Variants in METRNL observed in about 807,000 individuals in gnomAD.
The protein encoded by METRNL is meteorin-like protein.
A neutral mutation model predicts 17.4 loss-of-function variants in METRNL; 9 were observed. That is an observed-to-expected ratio of 0.52 (90% confidence interval 0.31 to 0.90). The LOEUF is 0.90. Ranked by LOEUF, METRNL falls within the 40% of genes least tolerant of loss-of-function variation. METRNL has a pLI of 0.05. For missense variants in METRNL, 408 were observed against 430.7 expected, an observed-to-expected ratio of 0.95 and a Z score of 0.47; for synonymous variants, 215 against 199.3, an observed-to-expected ratio of 1.08 and a Z score of -0.66.
At chr17:83,083,475 C>A (rs905011766) in intron 1 of METRNL, among the ~76,000 whole-genome samples, 1 of 152,200 alleles carries the variant, frequency 6.6e-6, no homozygotes, top group Admixed American at 6.5e-5. Flanking sequence ...AGCCACTCAC[C>A]GAGTCCAGTT....
chr17:83,093,089 G>A, intron 2 of METRNL, 78 bp from the exon 3 acceptor site: 1 of 1,149,734 alleles, frequency 8.7e-7, no homozygotes, highest in Non-Finnish European at 1.2e-6. Flanking sequence ...TGAGTGTGAG[G>A]ATCCTTTGAC....
At chr17:83,081,962 G>A (rs562647914) in intron 1 of METRNL, 5 of 429,606 alleles carry the variant, frequency 1.2e-5, no homozygotes, top group Admixed American at 6.4e-5. Context: ...AGGGTGGAGC[G>A]AGCGCTGGTG....
At chr17:83,089,968 C>T (rs747289477) in intron 2 of METRNL, among the ~76,000 whole-genome samples, 48 of 152,046 alleles carry the variant, frequency 3.2e-4, no homozygotes, top group South Asian at 4.1e-4. Flanking sequence ...ACCCAGGGCA[C>T]GTGAGGGCAG....
chr17:83,094,975 G>A lies in METRNL; in HGVS notation c.*400G>A, dbSNP rs910949164. 29 of 203,796 alleles carry A rather than the reference G, an allele frequency of 1.4e-4. No individual in the cohort carries two copies. The highest frequency in any genetic ancestry group is 5.5e-4 in the African/African-American group (24 of 43,546). 12.6% of individuals were successfully genotyped at this position (203,796 alleles called of 1,614,324 possible). ...GGGCACAGTGGATGTGTGAAAAGGT[G>A]CCATTCAGAGTTGTTATTCTCATGA... On this transcript the variant is annotated 3_prime_UTR_variant, in exon 4 of 4. Transcript: ENST00000320095.
chr17:83,082,862 C>T (rs1417025114), intron 1 of METRNL, among the ~76,000 whole-genome samples: 5 of 152,212 alleles, frequency 3.3e-5, no homozygotes, highest in Admixed American at 2.0e-4. Flanking sequence ...TCTTGCGCAT[C>T]ATGTGCTACT....
chr17:83,086,935 T>C (rs1264530226), intron 2 of METRNL, among the ~76,000 whole-genome samples: 1 of 152,012 alleles, frequency 6.6e-6, no homozygotes, highest in Non-Finnish European at 1.5e-5. Flanking sequence ...GTCCGAGGCC[T>C]ACAGGCCCTG....
chr17:83,088,275 C>A (rs555773594), intron 2 of METRNL, among the ~76,000 whole-genome samples: 1 of 152,352 alleles, frequency 6.6e-6, no homozygotes, highest in East Asian at 1.9e-4. Context: ...TCCGGCCGTG[C>A]CCAGACCTGT....
At chr17:83,080,490 G>T (rs1225362118) in intron 1 of METRNL, among the ~76,000 whole-genome samples, 1 of 147,470 alleles carries the variant, frequency 6.8e-6, no homozygotes, top group South Asian at 2.1e-4. Flanking sequence ...GCCGAGTGTG[G>T]CTCCGGCCGG....
chr17:83,085,368 G>A (rs372397217), intron 2 of METRNL, 45 bp downstream of exon 2: 8 of 1,507,934 alleles, frequency 5.3e-6, no homozygotes, highest in East Asian at 4.6e-5. Flanking sequence ...TCGTCATCAC[G>A]GGGCTGGTGA....
chr17:83,092,103 C>T (rs62074712), intron 2 of METRNL, among the ~76,000 whole-genome samples: 54,932 of 152,014 alleles, frequency 0.36, 10,420 homozygotes, highest in East Asian at 0.6. Flanking sequence ...CCGTGCTTTC[C>T]GCATTCTCTG....
At chr17:83,093,417 G>A (rs745796279) in intron 3 of METRNL, among the ~76,000 whole-genome samples, 191 bp downstream of exon 3, 6 of 152,174 alleles carry the variant, frequency 3.9e-5, no homozygotes, top group East Asian at 1.9e-4. Context: ...GGACGCCACC[G>A]CCCACACTTG....
intron 1 of METRNL, among the ~76,000 whole-genome samples, chr17:83,082,559 C>T (rs538499166): frequency 4.6e-5 from 7 of 152,330 alleles, no homozygotes; most frequent in Non-Finnish European, 8.8e-5. Context: ...TTTGTCTGCA[C>T]GCTTCAGTTT....
intron 1 of METRNL, chr17:83,082,294 G>T (rs1315181105): frequency 2.0e-6 from 2 of 981,202 alleles, no homozygotes; most frequent in African/African-American, 3.5e-5. Flanking sequence ...TCATACAGGA[G>T]CCGGGCATTT....
In METRNL at chr17:83,082,038, G is replaced by A. The variant is rs1205883290; in HGVS notation, c.170+2053G>A. On this transcript the variant is annotated intron_variant, in intron 1 of 3. Coordinates refer to ENST00000320095, the MANE Select transcript of METRNL (RefSeq NM_001004431.3). ...CCCTCATGACACTGGCCACTGCATC[G>A]ACGGCCTCTGTTGCTGGGTGTTTCT... 5 of 980,278 alleles carry A rather than the reference G, an allele frequency of 5.1e-6. No individual in the cohort carries two copies. The South Asian group carries it at 1.9e-4, about 37-fold the overall frequency. The allele number at this position is 980,278 out of a possible 1,614,324, so 60.7% of individuals were successfully genotyped here.
At chr17:83,092,678 G>A (rs1417685653) in intron 2 of METRNL, among the ~76,000 whole-genome samples, 1 of 151,752 alleles carries the variant, frequency 6.6e-6, no homozygotes, top group Non-Finnish European at 1.5e-5. Context: ...CGTGGGCTGT[G>A]GAGGTGGGTT....
At chr17:83,088,579 C>T (rs1310379376) in intron 2 of METRNL, among the ~76,000 whole-genome samples, 2 of 152,334 alleles carry the variant, frequency 1.3e-5, no homozygotes, top group East Asian at 1.9e-4. Context: ...CAGGGCCGGG[C>T]AGCAGCATCG....
intron 1 of METRNL, chr17:83,082,065 C>T (rs1033564816): frequency 1.6e-5 from 16 of 985,288 alleles, no homozygotes; most frequent in East Asian, 1.1e-4. Context: ...GGTGTTTCTT[C>T]TAAGCAGTTA....
chr17:83,085,495 G>T (rs2038042578), intron 2 of METRNL, among the ~76,000 whole-genome samples, 172 bp downstream of exon 2: 1 of 152,218 alleles, frequency 6.6e-6, no homozygotes, highest in African/African-American at 2.4e-5. Context: ...CCAGGTGGCT[G>T]GGGTTGGGGG....
intron 1 of METRNL, chr17:83,084,264 A>T (rs559816545): frequency 1.3e-5 from 2 of 152,412 alleles, no homozygotes; most frequent in East Asian, 3.9e-4. Context: ...ATGTACAAAC[A>T]TCTATGCTTA....
Sources: allele counts gnomAD v4.1 joint callset (sites outside exome capture counted in the v4.1 genomes callset), GRCh38; gene constraint gnomAD v4.1.1; transcripts MANE v1.5; gene names NCBI Gene and HGNC (gene_info 2026-07-23, HGNC 2026-07-21).